EYS: variants seen among roughly 807,000 people sequenced by gnomAD.
EYS encodes the protein protein eyes shut homolog.
In EYS, 250 loss-of-function variants were observed where a neutral mutation model predicts 282.1. That is an observed-to-expected ratio of 0.89 (90% CI 0.80 to 0.98). EYS has a LOEUF of 0.98. Among genes scored for constraint, EYS ranks in the 50% least tolerant of loss-of-function variants. The pLI is 0.00. For synonymous variants in EYS, 1,355 were observed against 1,282.9 expected (o/e 1.06, Z -1.20); for missense variants, 4,016 against 3,709.0 (o/e 1.08, Z -2.15).
chr6:64,296,581 TA>T (rs1769019198), intron 30 of EYS, among the ~76,000 whole-genome samples: 3 of 6,582 alleles, frequency 4.6e-4, no homozygotes, highest in African/African-American at 2.7e-3. Flanking sequence ...TATATATATA[TA>T]TACATATATA....
intron 5 of EYS, among the ~76,000 whole-genome samples, chr6:65,474,854 A>G (rs1765340598): frequency 6.6e-6 from 1 of 152,142 alleles, no homozygotes; most frequent in African/African-American, 2.4e-5. Context: ...AAGAATTAAA[A>G]GTGCTCAAAG....
At chr6:65,372,359 A>G (rs879150188) in intron 8 of EYS, among the ~76,000 whole-genome samples, 6 of 152,200 alleles carry the variant, frequency 3.9e-5, no homozygotes, top group Middle Eastern at 6.8e-3. Flanking sequence ...AAAATAAAAT[A>G]AATGAAAATA....
rs115830224 is a variant in EYS at position 64,184,620 on chromosome 6, C to T, written c.6424+45972G>A. 4.5e-3 allele frequency among the ~76,000 whole-genome samples: 623 copies of T among 139,104 alleles called. 5 individuals are homozygous for T. The highest frequency in any genetic ancestry group is 0.015 in the African/African-American group (598 of 40,254). 91.3% of individuals were successfully genotyped at this position (139,104 alleles called of 152,430 possible). On this transcript the variant is annotated intron_variant, in intron 31 of 42. Transcript: ENST00000503581. ...CTTTTTCTCTTCTGGAAGGCTAACA[C>T]TTGAAACTACTTGAAGAGAAGTAGC...
Position 65,334,964 on chromosome 6 carries a change from A to C in EYS, c.1766+16T>G, listed in dbSNP as rs372616764. The C allele has an allele frequency of 6.9e-6, 11 of 1,600,922 alleles. No homozygotes were observed. In the Admixed American group the frequency reaches 1.3e-4, roughly 20 times the overall value. On this transcript the variant is annotated intron_variant, in intron 11 of 42. Coordinates refer to ENST00000503581, the MANE Select transcript of EYS (RefSeq NM_001142800.2). ...TTTGATATGTGATATTATCTGCTCA[A>C]ATGATACATAAATACCTGGGTCTAT...
chr6:64,573,200 T>C (rs900003151), intron 26 of EYS, among the ~76,000 whole-genome samples: 3 of 152,134 alleles, frequency 2.0e-5, no homozygotes, highest in African/African-American at 7.2e-5. Flanking sequence ...ATAAATGGTA[T>C]TGGGAAAACT....
chr6:64,140,987 G>C (rs1472503999), intron 31 of EYS, among the ~76,000 whole-genome samples: 2 of 152,056 alleles, frequency 1.3e-5, no homozygotes, highest in African/African-American at 2.4e-5. Flanking sequence ...TTATGACCTT[G>C]CAATATTTTC....
At chr6:65,463,629 C>G (rs143108379) in intron 5 of EYS, among the ~76,000 whole-genome samples, 26 of 152,164 alleles carry the variant, frequency 1.7e-4, no homozygotes, top group African/African-American at 6.3e-4. Context: ...AATAATAATT[C>G]ATGATCAAAT....
chr6:65,289,584 A>G (rs2150281880), intron 12 of EYS, among the ~76,000 whole-genome samples: 1 of 151,306 alleles, frequency 6.6e-6, no homozygotes, highest in South Asian at 2.1e-4. Context: ...ATTTTGAAGT[A>G]TATGCGTAAG....
chr6:64,096,529 C>G (rs1772621595), intron 31 of EYS, among the ~76,000 whole-genome samples: 1 of 152,180 alleles, frequency 6.6e-6, no homozygotes, highest in African/African-American at 2.4e-5. Flanking sequence ...ACCCTTTCTT[C>G]CAGTTGATCG....
intron 33 of EYS, among the ~76,000 whole-genome samples, chr6:64,016,384 A>T (rs1167005469): frequency 6.6e-6 from 1 of 152,154 alleles, no homozygotes; most frequent in Non-Finnish European, 1.5e-5. Flanking sequence ...GGGGTTAAGT[A>T]ATTTGCTCAA....
intron 2 of EYS, among the ~76,000 whole-genome samples, chr6:65,627,025 TTCTC>T (rs1279279395): frequency 7.1e-6 from 1 of 140,694 alleles, no homozygotes; most frequent in Non-Finnish European, 1.6e-5. Flanking sequence ...CTTTCTTTCT[TTCTC>T]TTTCTTTCTC....
chr6:64,386,873 C>T (rs1048609608), intron 29 of EYS, among the ~76,000 whole-genome samples: 2 of 152,088 alleles, frequency 1.3e-5, no homozygotes, highest in African/African-American at 4.8e-5. Context: ...GTCCTAACCC[C>T]TCCAGTTGTA....
intron 22 of EYS, chr6:64,631,409 T>C (rs1450995308): frequency 6.6e-6 from 1 of 152,180 alleles, no homozygotes; most frequent in Non-Finnish European, 1.5e-5. Flanking sequence ...CTAGATACTT[T>C]CCCATAATCA....
Position 64,950,832 on chromosome 6 carries a change from T to TATATAA in EYS, c.2260-4919_2260-4918insTTATAT, listed in dbSNP as rs1310289103. On this transcript the variant is annotated intron_variant, in intron 14 of 42. Coordinates refer to ENST00000503581, the MANE Select transcript of EYS (RefSeq NM_001142800.2). ...ATATATATATATATATATATATATA[T>TATATAA]ATTGTTGAATTGTTACAAGAACAAC... Among the ~76,000 whole-genome samples, 345 of 103,006 alleles carry TATATAA rather than the reference T, an allele frequency of 3.3e-3. 2 individuals are homozygous for TATATAA. Among genetic ancestry groups the TATATAA allele is most frequent in the East Asian group, 9.0e-3 (30 of 3,332 alleles). The allele number at this position is 103,006 out of a possible 152,430, so 67.6% of individuals were successfully genotyped here.
At chr6:65,309,323 A>G (rs1769093595) in intron 11 of EYS, among the ~76,000 whole-genome samples, 1 of 152,194 alleles carries the variant, frequency 6.6e-6, no homozygotes, top group Admixed American at 6.5e-5. Context: ...CTGAAATGAC[A>G]TTTGTACTTC....
chr6:64,077,495 A>G (rs1267860950), intron 32 of EYS, among the ~76,000 whole-genome samples: 1 of 152,028 alleles, frequency 6.6e-6, no homozygotes, highest in African/African-American at 2.4e-5. Context: ...TTCCACTAGC[A>G]TGTCAATTAC....
chr6:64,100,661 A>G (rs2150258727), intron 31 of EYS, among the ~76,000 whole-genome samples: 1 of 152,232 alleles, frequency 6.6e-6, no homozygotes, highest in East Asian at 1.9e-4. Context: ...GCTTCTTCCA[A>G]ATATCCTGAC....
chr6:65,538,725 C>CT (rs1582430449), intron 2 of EYS, among the ~76,000 whole-genome samples: 1 of 151,974 alleles, frequency 6.6e-6, no homozygotes, highest in African/African-American at 2.4e-5. Context: ...TTTAAGGAGA[C>CT]TTTTTTGTTT....
At chr6:63,738,948 A>G (rs1769002272) in intron 41 of EYS, among the ~76,000 whole-genome samples, 1 of 152,146 alleles carries the variant, frequency 6.6e-6, no homozygotes, top group South Asian at 2.1e-4. Context: ...CATACTGATT[A>G]TCTACTTACA....
Sources: gnomAD v4.1 joint callset for allele counts (sites outside exome capture counted in the v4.1 genomes callset) on GRCh38, gnomAD v4.1.1 for gene constraint, MANE v1.5 for transcripts, NCBI Gene and HGNC (gene_info 2026-07-23, HGNC 2026-07-21) for gene names.